Variants in MBNL2 observed in about 807,000 individuals in gnomAD.
The protein encoded by MBNL2 is muscleblind like splicing regulator 2.
Under a neutral mutation model 41.9 loss-of-function variants are expected in MBNL2, and 17 were observed. The ratio of observed to expected loss-of-function variants is 0.41; its 90% CI spans 0.28 to 0.61. The LOEUF is 0.61. MBNL2 is among the 20% of genes least tolerant of loss of function. The probability of loss-of-function intolerance (pLI) is 0.35; values close to 1 mark genes in which losing one functional copy is unlikely to be tolerated. For missense variants in MBNL2, 336 were observed against 505.6 expected, an observed-to-expected ratio of 0.66 and a Z score of 3.22; for synonymous variants, 195 against 182.9, an observed-to-expected ratio of 1.07 and a Z score of -0.53.
intron 1 of MBNL2, among the ~76,000 whole-genome samples, chr13:97,247,014 C>T (rs1484520565): frequency 2.0e-5 from 3 of 152,144 alleles, no homozygotes; most frequent in Non-Finnish European, 2.9e-5. Flanking sequence ...GAAATTCTTT[C>T]TTATTGTGCA....
intron 4 of MBNL2, 57 bp downstream of exon 4, chr13:97,343,273 G>T: frequency 8.0e-7 from 1 of 1,243,210 alleles, no homozygotes; most frequent in Non-Finnish European, 1.1e-6. Context: ...ATACTTCTGT[G>T]TAAGTGATTG....
At chr13:97,174,925 T>C in the MBNL2 span, among the ~76,000 whole-genome samples, 1 of 152,166 alleles carries the variant, frequency 6.6e-6, no homozygotes, top group Non-Finnish European at 1.5e-5. Context: ...CACAGATTAC[T>C]GGGAACCAGA....
At chr13:97,294,826 TC>T (rs1218720712) in intron 2 of MBNL2, among the ~76,000 whole-genome samples, 5 of 152,214 alleles carry the variant, frequency 3.3e-5, no homozygotes, top group African/African-American at 1.2e-4. Context: ...AGATTACATT[TC>T]CCAAGTCAGG....
At chr13:97,353,433 G>A (rs532399936) in intron 5 of MBNL2, among the ~76,000 whole-genome samples, 1 of 152,128 alleles carries the variant, frequency 6.6e-6, no homozygotes, top group Admixed American at 6.5e-5. Flanking sequence ...AGGACAAACA[G>A]GAGTGATGAA....
intron 1 of MBNL2, among the ~76,000 whole-genome samples, chr13:97,224,350 T>C (rs1351821139): frequency 6.6e-6 from 1 of 152,146 alleles, no homozygotes; most frequent in Non-Finnish European, 1.5e-5. Flanking sequence ...GCAGGGGAAG[T>C]ACAATACTGC....
At chr13:97,240,306 C>T (rs57003068) in intron 1 of MBNL2, among the ~76,000 whole-genome samples, 5 of 152,224 alleles carry the variant, frequency 3.3e-5, no homozygotes, top group Non-Finnish European at 5.9e-5. Context: ...CAACTTCAGG[C>T]AGATTTTGAC....
At chr13:97,324,243 T>G (rs2059732574) in intron 2 of MBNL2, among the ~76,000 whole-genome samples, 1 of 152,142 alleles carries the variant, frequency 6.6e-6, no homozygotes, top group Non-Finnish European at 1.5e-5. Context: ...ATCACTCTAT[T>G]TTAATTGTCA....
the MBNL2 span, among the ~76,000 whole-genome samples, chr13:97,159,859 C>A: frequency 1.3e-5 from 2 of 151,668 alleles, no homozygotes; most frequent in Non-Finnish European, 2.9e-5. Context: ...TTTGGTGAAT[C>A]TGACAATTAT....
intron 2 of MBNL2, among the ~76,000 whole-genome samples, chr13:97,287,327 T>G (rs554988832): frequency 2.0e-5 from 3 of 152,344 alleles, no homozygotes; most frequent in African/African-American, 7.2e-5. Context: ...TTCACTAGTA[T>G]GCTGTGAAAT....
At chr13:97,358,792 G>T (rs2063182078) in intron 7 of MBNL2, among the ~76,000 whole-genome samples, 3 of 152,136 alleles carry the variant, frequency 2.0e-5, no homozygotes, top group Admixed American at 6.5e-5. Context: ...AGAGTTTTTT[G>T]ATTCAAATCC....
chr13:97,380,479 G>C (rs1227052738), intron 8 of MBNL2, among the ~76,000 whole-genome samples: 1 of 149,288 alleles, frequency 6.7e-6, no homozygotes. Context: ...GGGCAACAGA[G>C]CAAGACTCTA....
intron 3 of MBNL2, among the ~76,000 whole-genome samples, chr13:97,340,066 G>A (rs561636932): frequency 1.3e-3 from 200 of 152,324 alleles, no homozygotes; most frequent in Non-Finnish European, 2.5e-3. Flanking sequence ...CTGGAAGGCT[G>A]AGCAATTCTT....
At chr13:97,236,807 GCTAA>G (rs1303830237) in intron 1 of MBNL2, among the ~76,000 whole-genome samples, 1 of 152,122 alleles carries the variant, frequency 6.6e-6, no homozygotes, top group Non-Finnish European at 1.5e-5. Flanking sequence ...AATGATCAGT[GCTAA>G]CTAATAATGA....
Position 97,392,998 on chromosome 13 carries a change from A to C in MBNL2, c.*1549A>C, listed in dbSNP as rs532119655. ...TGTTTGAGGAAAAAAAGAAATCTGC[A>C]TTTTAATTCATGTTGGTCAAAGTCG... is the stretch of plus-strand genomic sequence containing the variant. On this transcript the variant is annotated 3_prime_UTR_variant, in exon 9 of 9. Coordinates refer to ENST00000679496, the MANE Select transcript of MBNL2 (RefSeq NM_001382683.1). The C allele has an allele frequency of 1.7e-4, 26 of 152,620 alleles. No homozygotes were observed. The highest frequency in any genetic ancestry group is 5.2e-4 in the Admixed American group (8 of 15,274). 9.5% of individuals were successfully genotyped at this position (152,620 alleles called of 1,614,324 possible).
the MBNL2 span, among the ~76,000 whole-genome samples, chr13:97,159,501 T>C: frequency 1.3e-5 from 2 of 152,202 alleles, no homozygotes; most frequent in African/African-American, 4.8e-5. Flanking sequence ...TCGATGGTCA[T>C]TACATTTTGG....
In MBNL2 at chr13:97,364,667, A is replaced by C. The variant is rs569249738; in HGVS notation, c.1013-469A>C. Among the ~76,000 whole-genome samples the C allele has an allele frequency of 4.0e-4, 61 of 152,338 alleles. 1 individual carries two copies. The South Asian group carries it at 0.013, about 32-fold the overall frequency. On this transcript the variant is annotated intron_variant, in intron 7 of 8. Transcript: ENST00000679496. ...GCAGTAAGTTCAGTGTATTCTAGTG[A>C]ATATAAAAGTTGACCTGGATTTACG...
chr13:97,237,181 A>G lies in MBNL2; in HGVS notation c.-605+14650A>G, dbSNP rs1488761331. Reference sequence around the variant, plus strand: ...AAGCACGAGTTACCAAATTCATTGGACCTCTGGTTTCTTGTGCCCACCTCT... The same window carrying G: ...AAGCACGAGTTACCAAATTCATTGGGCCTCTGGTTTCTTGTGCCCACCTCT... On this transcript the variant is annotated intron_variant, in intron 1 of 8. Coordinates refer to ENST00000679496, the MANE Select transcript of MBNL2 (RefSeq NM_001382683.1). Among the ~76,000 whole-genome samples the G allele has an allele frequency of 2.0e-5, 3 of 152,196 alleles. No homozygotes were observed. In the South Asian group the frequency reaches 6.2e-4, roughly 31 times the overall value.
chr13:97,216,924 A>G (rs898281207), upstream of MBNL2, among the ~76,000 whole-genome samples: 1 of 150,028 alleles, frequency 6.7e-6, no homozygotes, highest in African/African-American at 2.4e-5. Flanking sequence ...AATATATAAT[A>G]CACATATAAT....
At chr13:97,298,804 G>A (rs1053294398) in intron 2 of MBNL2, among the ~76,000 whole-genome samples, 5 of 152,144 alleles carry the variant, frequency 3.3e-5, no homozygotes, top group African/African-American at 4.8e-5. Context: ...TGTTTGTGCC[G>A]GAAAAGTACT....
Sources: gnomAD v4.1 joint callset for allele counts (sites outside exome capture counted in the v4.1 genomes callset) on GRCh38, gnomAD v4.1.1 for gene constraint, MANE v1.5 for transcripts, NCBI Gene and HGNC (gene_info 2026-07-23, HGNC 2026-07-21) for gene names.